Variants in DTNB observed in about 807,000 individuals in gnomAD.
The protein encoded by DTNB is DTN-B.
A neutral mutation model predicts 90.7 loss-of-function variants in DTNB; 63 were observed. That is an observed-to-expected ratio of 0.69 (90% confidence interval 0.57 to 0.86). DTNB has a LOEUF of 0.86. Among genes scored for constraint, DTNB ranks in the 40% least tolerant of loss-of-function variants. The probability of loss-of-function intolerance (pLI) is 0.00; values close to 1 mark genes in which losing one functional copy is unlikely to be tolerated. For synonymous variants in DTNB, 277 were observed against 286.7 expected, an observed-to-expected ratio of 0.97 and a Z score of 0.34; for missense variants, 744 against 807.1, an observed-to-expected ratio of 0.92 and a Z score of 0.95.
intron 9 of DTNB, among the ~76,000 whole-genome samples, chr2:25,498,070 C>T (rs76885332): frequency 0.042 from 6,449 of 152,254 alleles, 440 homozygotes; most frequent in African/African-American, 0.15. Flanking sequence ...GCCTCAGTCT[C>T]CCAGGGCCTC....
At chr2:25,432,738 GC>G (rs2054335112) in intron 14 of DTNB, 147 bp downstream of exon 14, 2 of 785,754 alleles carry the variant, frequency 2.5e-6, no homozygotes, top group Admixed American at 4.4e-5. Context: ...ATCTGAAGCA[GC>G]AACAGAATGG....
At chr2:25,632,812 C>T (rs1479213578) in intron 3 of DTNB, among the ~76,000 whole-genome samples, 1 of 152,140 alleles carries the variant, frequency 6.6e-6, no homozygotes. Context: ...AGAAAACAGG[C>T]TAAGACAAAT....
intron 8 of DTNB, among the ~76,000 whole-genome samples, chr2:25,571,382 C>T (rs566737937): frequency 6.6e-6 from 1 of 152,222 alleles, no homozygotes; most frequent in South Asian, 2.1e-4. Flanking sequence ...ATAAAGACTC[C>T]TCATTTCACT....
At chr2:25,378,589 A>T (rs1326223390) in intron 20 of DTNB, among the ~76,000 whole-genome samples, 1 of 138,592 alleles carries the variant, frequency 7.2e-6, no homozygotes, top group African/African-American at 2.7e-5. Flanking sequence ...GGGTGGGAGG[A>T]GGGGAGGGAA....
intron 9 of DTNB, among the ~76,000 whole-genome samples, chr2:25,528,747 A>G (rs2077611257): frequency 6.6e-6 from 1 of 152,182 alleles, no homozygotes; most frequent in Admixed American, 6.5e-5. Context: ...ATTGCATGTA[A>G]AGTATATCTT....
chr2:25,463,681 C>A (rs2061355535), intron 10 of DTNB, among the ~76,000 whole-genome samples: 1 of 152,194 alleles, frequency 6.6e-6, no homozygotes, highest in African/African-American at 2.4e-5. Flanking sequence ...ACACGTGCTG[C>A]AGGCACGGAA....
At chr2:25,455,197 T>G (rs187888576) in intron 11 of DTNB, among the ~76,000 whole-genome samples, 1 of 152,334 alleles carries the variant, frequency 6.6e-6, no homozygotes, top group East Asian at 1.9e-4. Flanking sequence ...TCTGACTCCA[T>G]GTTTAGGTCA....
At chr2:25,646,712 G>A (rs1281743807) in intron 2 of DTNB, among the ~76,000 whole-genome samples, 3 of 152,040 alleles carry the variant, frequency 2.0e-5, no homozygotes, top group Non-Finnish European at 4.4e-5. Flanking sequence ...CTGCCTTTCT[G>A]GACCAAACCA....
intron 6 of DTNB, among the ~76,000 whole-genome samples, chr2:25,581,185 C>T (rs1191459760): frequency 6.6e-6 from 1 of 152,056 alleles, no homozygotes; most frequent in Non-Finnish European, 1.5e-5. Flanking sequence ...TCACCATTTC[C>T]GCTTTCCAGT....
chr2:25,668,931 T>C (rs2085163409), intron 1 of DTNB, among the ~76,000 whole-genome samples: 2 of 152,254 alleles, frequency 1.3e-5, no homozygotes, highest in African/African-American at 4.8e-5. Flanking sequence ...TACCATGGAA[T>C]ATTATTCAGC....
chr2:25,618,276 T>C (rs2071373180), intron 4 of DTNB, among the ~76,000 whole-genome samples: 1 of 152,176 alleles, frequency 6.6e-6, no homozygotes, highest in South Asian at 2.1e-4. Context: ...AAACTGCAGC[T>C]CCTCAGCACC....
At chr2:25,619,033 G>C (rs971558691) in intron 4 of DTNB, among the ~76,000 whole-genome samples, 1 of 151,940 alleles carries the variant, frequency 6.6e-6, no homozygotes, top group Non-Finnish European at 1.5e-5. Context: ...GAAATCATTC[G>C]TTTCAGTTCA....
At chr2:25,667,141 TA>T (rs1009134986) in intron 1 of DTNB, among the ~76,000 whole-genome samples, 369 of 131,588 alleles carry the variant, frequency 2.8e-3, no homozygotes, top group Non-Finnish European at 3.0e-3. Context: ...AAAACAAAAT[TA>T]AAAAAAAAAA....
intron 3 of DTNB, among the ~76,000 whole-genome samples, chr2:25,632,372 C>T (rs1021976043): frequency 6.6e-6 from 1 of 152,032 alleles, no homozygotes; most frequent in Admixed American, 6.6e-5. Flanking sequence ...TGAAGAAATA[C>T]ACTATCAGGA....
intron 8 of DTNB, among the ~76,000 whole-genome samples, chr2:25,562,082 G>A (rs1289984347): frequency 4.6e-5 from 7 of 151,998 alleles, no homozygotes; most frequent in South Asian, 2.1e-4. Flanking sequence ...CCCAGCCCCC[G>A]GAAACTACTA....
At chr2:25,379,142 G>T in intron 20 of DTNB, 148 bp downstream of exon 20, 2 of 720,262 alleles carry the variant, frequency 2.8e-6, no homozygotes, top group Non-Finnish European at 3.9e-6. Flanking sequence ...GCTGGGGTGG[G>T]CAAAGGGAAG....
chr2:25,661,875 C>T (rs1053245234), intron 1 of DTNB, among the ~76,000 whole-genome samples: 4 of 151,872 alleles, frequency 2.6e-5, no homozygotes, highest in African/African-American at 9.7e-5. Context: ...TGGATATAGG[C>T]CAGGCGCAGT....
At chr2:25,453,743 G>T (rs1012505827) in intron 11 of DTNB, among the ~76,000 whole-genome samples, 1 of 152,184 alleles carries the variant, frequency 6.6e-6, no homozygotes, top group African/African-American at 2.4e-5. Context: ...AGTGTGCAAA[G>T]AAATCATCTG....
chr2:25,515,482 C>T (rs889623086), intron 9 of DTNB, among the ~76,000 whole-genome samples: 6 of 152,104 alleles, frequency 3.9e-5, no homozygotes, highest in Non-Finnish European at 5.9e-5. Flanking sequence ...TATTTATAGT[C>T]GGTTGATTTT....
Sources: gnomAD v4.1 joint callset for allele counts (sites outside exome capture counted in the v4.1 genomes callset) on GRCh38, gnomAD v4.1.1 for gene constraint, MANE v1.5 for transcripts, NCBI Gene and HGNC (gene_info 2026-07-23, HGNC 2026-07-21) for gene names.